The following RALYL variants were observed in gnomAD, a reference collection of about 807,000 sequenced individuals.
RALYL encodes RNA-binding Raly-like protein.
Under a neutral mutation model 35.1 loss-of-function variants are expected in RALYL, and 29 were observed. The observed-to-expected ratio is 0.83, with a 90% CI of 0.61 to 1.13. The LOEUF is 1.13. RALYL is among the 50% of genes most tolerant of loss of function. The pLI is 0.00. For missense variants in RALYL, 359 were observed against 360.4 expected (o/e 1.00, Z 0.03); for synonymous variants, 120 against 127.6 (o/e 0.94, Z 0.40).
At chr8:84,314,420 G>A (rs1018117552) in intron 1 of RALYL, among the ~76,000 whole-genome samples, 2 of 151,858 alleles carry the variant, frequency 1.3e-5, no homozygotes, top group Non-Finnish European at 2.9e-5. Flanking sequence ...AATATTAAAA[G>A]AAGATAATGA....
chr8:84,315,088 T>A (rs1843487988), intron 1 of RALYL, among the ~76,000 whole-genome samples: 1 of 152,132 alleles, frequency 6.6e-6, no homozygotes, highest in Non-Finnish European at 1.5e-5. Flanking sequence ...AGGATATAGA[T>A]AAAACTTTAC....
At chr8:84,552,154 G>T (rs1181624788) in intron 2 of RALYL, among the ~76,000 whole-genome samples, 1 of 149,630 alleles carries the variant, frequency 6.7e-6, no homozygotes, top group East Asian at 2.0e-4. Flanking sequence ...TTCAGAAAAT[G>T]AAAAAGAACA....
intron 2 of RALYL, among the ~76,000 whole-genome samples, chr8:84,609,210 A>T (rs1448971461): frequency 6.6e-6 from 1 of 152,170 alleles, no homozygotes; most frequent in Non-Finnish European, 1.5e-5. Flanking sequence ...ATCCCTCCCA[A>T]TGTGTAGGAG....
intron 2 of RALYL, among the ~76,000 whole-genome samples, chr8:84,655,634 A>AT (rs912719591): frequency 1.8e-4 from 27 of 151,648 alleles, no homozygotes; most frequent in East Asian, 1.9e-4. Context: ...GGATTATTAG[A>AT]TTTTTTTTTC....
chr8:84,356,077 G>A (rs1851780648), intron 1 of RALYL, among the ~76,000 whole-genome samples: 2 of 149,986 alleles, frequency 1.3e-5, no homozygotes, highest in African/African-American at 5.0e-5. Context: ...ACCTTGTGAA[G>A]AAGGTGCTTC....
chr8:84,255,077 T>C (rs1383606229), intron 1 of RALYL, among the ~76,000 whole-genome samples: 1 of 152,124 alleles, frequency 6.6e-6, no homozygotes, highest in Non-Finnish European at 1.5e-5. Context: ...AGCCAAACCA[T>C]ATCAGAAGGG....
intron 2 of RALYL, among the ~76,000 whole-genome samples, chr8:84,692,137 A>G (rs1348199869): frequency 1.3e-5 from 2 of 152,004 alleles, no homozygotes; most frequent in Non-Finnish European, 2.9e-5. Context: ...CATGCTTAGC[A>G]ATGAATTATT....
chr8:84,816,591 C>T (rs1371477821), intron 4 of RALYL, among the ~76,000 whole-genome samples: 1 of 151,738 alleles, frequency 6.6e-6, no homozygotes. Flanking sequence ...ATATTATTTC[C>T]CAGGTTTGGT....
chr8:84,577,293 G>A (rs1449870830), intron 2 of RALYL, among the ~76,000 whole-genome samples: 1 of 152,218 alleles, frequency 6.6e-6, no homozygotes, highest in African/African-American at 2.4e-5. Context: ...AAGCTGAGCA[G>A]GAAAGGCTAA....
chr8:84,541,401 T>C (rs1360091564), intron 2 of RALYL, among the ~76,000 whole-genome samples: 3 of 151,998 alleles, frequency 2.0e-5, no homozygotes, highest in Admixed American at 6.6e-5. Flanking sequence ...ATTTTAAAAA[T>C]TGATTTTAGC....
chr8:84,835,518 A>AT (rs1311008543), intron 4 of RALYL, among the ~76,000 whole-genome samples: 1 of 150,266 alleles, frequency 6.7e-6, no homozygotes, highest in Admixed American at 6.6e-5. Flanking sequence ...AAAAAAAAAA[A>AT]AAAAAAAATA....
intron 1 of RALYL, among the ~76,000 whole-genome samples, chr8:84,318,408 C>T (rs185281223): frequency 1.5e-4 from 23 of 152,290 alleles, no homozygotes; most frequent in African/African-American, 4.3e-4. Context: ...TGTGCTCTAG[C>T]CATGGTAATC....
intron 1 of RALYL, among the ~76,000 whole-genome samples, chr8:84,274,762 A>C (rs568361552): frequency 2.6e-5 from 4 of 152,310 alleles, no homozygotes; most frequent in African/African-American, 7.2e-5. Context: ...TTACGAAGAG[A>C]AGATTAAAAA....
chr8:84,612,898 A>C (rs1219204970), intron 2 of RALYL, among the ~76,000 whole-genome samples: 4 of 151,714 alleles, frequency 2.6e-5, no homozygotes, highest in Non-Finnish European at 5.9e-5. Context: ...TCACCACTGC[A>C]TGTAAATTGC....
chr8:84,215,776 A>G (rs886727304), intron 1 of RALYL, among the ~76,000 whole-genome samples: 1 of 152,176 alleles, frequency 6.6e-6, no homozygotes, highest in African/African-American at 2.4e-5. Flanking sequence ...ATCTGTCTGT[A>G]AAGTGCACAA....
chr8:84,780,633 C>A (rs893685315), intron 3 of RALYL, among the ~76,000 whole-genome samples: 1 of 152,148 alleles, frequency 6.6e-6, no homozygotes, highest in Non-Finnish European at 1.5e-5. Flanking sequence ...GTTAGACATA[C>A]CTCCTAAAAT....
intron 2 of RALYL, among the ~76,000 whole-genome samples, chr8:84,539,012 A>G (rs1023405094): frequency 4.6e-5 from 7 of 152,220 alleles, no homozygotes; most frequent in South Asian, 2.1e-4. Context: ...GAAAATCTTT[A>G]TAGGCTGCAA....
intron 2 of RALYL, among the ~76,000 whole-genome samples, chr8:84,641,998 T>G (rs1250682790): frequency 6.6e-6 from 1 of 152,002 alleles, no homozygotes. Context: ...GTTTTATTTA[T>G]CAAAGATTCA....
intron 8 of RALYL, among the ~76,000 whole-genome samples, chr8:84,890,877 G>A (rs1409867066): frequency 1.3e-5 from 2 of 152,088 alleles, no homozygotes; most frequent in Non-Finnish European, 2.9e-5. Flanking sequence ...GACTAGATGG[G>A]TCATGGAATC....
Sources: gnomAD v4.1 joint callset for allele counts (sites outside exome capture counted in the v4.1 genomes callset) on GRCh38, gnomAD v4.1.1 for gene constraint, MANE v1.5 for transcripts, NCBI Gene and HGNC (gene_info 2026-07-23, HGNC 2026-07-21) for gene names.